The following PTPRM variants were observed in gnomAD, a reference collection of about 807,000 sequenced individuals.
PTPRM encodes the protein receptor-type tyrosine-protein phosphatase mu.
A neutral mutation model predicts 186.7 loss-of-function variants in PTPRM; 47 were observed. The ratio of observed to expected loss-of-function variants is 0.25; its 90% confidence interval spans 0.20 to 0.32. The LOEUF (loss-of-function observed/expected upper bound fraction) is 0.32, where lower values mean the gene tolerates loss of function less well. Ranked by LOEUF, PTPRM falls within the 10% of genes least tolerant of loss-of-function variation. PTPRM has a pLI of 1.00. For synonymous variants in PTPRM, 668 were observed against 674.9 expected, an observed-to-expected ratio of 0.99 and a Z score of 0.16; for missense variants, 1,494 against 1,865.0, an observed-to-expected ratio of 0.80 and a Z score of 3.66.
At chr18:8,162,274 C>T (rs1162677854) in intron 14 of PTPRM, among the ~76,000 whole-genome samples, 1 of 151,948 alleles carries the variant, frequency 6.6e-6, no homozygotes, top group Admixed American at 6.6e-5. Context: ...TAATTTTTTA[C>T]ATTTTTAGTA....
intron 1 of PTPRM, among the ~76,000 whole-genome samples, chr18:7,641,341 A>G (rs1476690007): frequency 6.6e-6 from 1 of 152,228 alleles, no homozygotes; most frequent in Non-Finnish European, 1.5e-5. Context: ...ATTCTTAGAA[A>G]TGTGATCAGA....
chr18:8,204,439 A>C (rs931207793), intron 14 of PTPRM, among the ~76,000 whole-genome samples: 3 of 152,132 alleles, frequency 2.0e-5, no homozygotes, highest in Non-Finnish European at 4.4e-5. Context: ...TGAAATATAA[A>C]TAGAAGGAAG....
intron 14 of PTPRM, among the ~76,000 whole-genome samples, chr18:8,240,830 G>GAAAGAAAGA: frequency 1.0e-5 from 1 of 99,046 alleles, no homozygotes; most frequent in South Asian, 2.8e-4. Flanking sequence ...GAGAGAGAAA[G>GAAAGAAAGA]AAAGAAAGAA....
chr18:7,688,219 A>G (rs1304818117), intron 1 of PTPRM, among the ~76,000 whole-genome samples: 4 of 152,122 alleles, frequency 2.6e-5, no homozygotes, highest in African/African-American at 7.2e-5. Flanking sequence ...AAAGACTTAC[A>G]TTGGGCTTTT....
intron 2 of PTPRM, among the ~76,000 whole-genome samples, chr18:7,785,833 G>A (rs536709393): frequency 1.3e-5 from 2 of 152,276 alleles, no homozygotes; most frequent in African/African-American, 4.8e-5. Context: ...GTAATTTTAG[G>A]ACTTTCTTAA....
chr18:7,568,002 GGGGGGCGCGGCGGGCC>G lies in PTPRM; in HGVS notation c.73+114_73+129del, dbSNP rs907205485. 30 of 1,064,434 alleles carry G rather than the reference GGGGGGCGCGGCGGGCC, an allele frequency of 2.8e-5. No homozygotes were observed. In the African/African-American group the frequency reaches 4.9e-4, roughly 17 times the overall value. 65.9% of individuals were successfully genotyped at this position (1,064,434 alleles called of 1,614,324 possible). ...CCTAAGGCTGGCGTCGGGGCCGGGC[GGGGGGCGCGGCGGGCC>G]GGACACCGCTTCTGCCTGTGAGCCG... On this transcript the variant is annotated intron_variant, in intron 1 of 32. Transcript: ENST00000580170. This position sits in a 1 kb window ranked among gnomAD's most constrained non-coding sequence, Gnocchi z 5.1.
At chr18:8,336,172 G>A (rs890291696) in intron 22 of PTPRM, among the ~76,000 whole-genome samples, 1 of 152,150 alleles carries the variant, frequency 6.6e-6, no homozygotes, top group Non-Finnish European at 1.5e-5. Flanking sequence ...GTGAGTTTCT[G>A]GAGCCAGAAT....
intron 5 of PTPRM, among the ~76,000 whole-genome samples, chr18:7,930,189 C>T (rs962526445): frequency 1.3e-5 from 2 of 152,070 alleles, no homozygotes; most frequent in Non-Finnish European, 2.9e-5. Flanking sequence ...CCACCTCAGC[C>T]TCCTGGGTAG....
chr18:8,320,853 G>A (rs2148076279), intron 22 of PTPRM, among the ~76,000 whole-genome samples: 1 of 152,294 alleles, frequency 6.6e-6, no homozygotes, highest in South Asian at 2.1e-4. Flanking sequence ...CACTTTGCTA[G>A]CTAGATGCAA....
rs776571679 is a variant in PTPRM at position 7,774,215 on chromosome 18, A to G, written c.140A>G (p.Asn47Ser). 27 of 1,613,748 alleles carry G rather than the reference A, an allele frequency of 1.7e-5. No homozygotes were observed. The highest frequency in any genetic ancestry group is 3.3e-4 in the Middle Eastern group (2 of 6,084). ...GYSQSEGDDF[N>S]WEQVNTLTKP... Reference sequence around the variant, plus strand: ...AGTCAATCTGAAGGTGATGACTTCAATTGGGAGCAAGTGAACACCTTGACT... The same window carrying G: ...AGTCAATCTGAAGGTGATGACTTCAGTTGGGAGCAAGTGAACACCTTGACT... Residue 47 changes from asparagine to serine, a missense_variant, in exon 2 of 33, where the codon AAT becomes AGT. Physicochemically the swap from Asn to Ser is conservative, Grantham distance 46. Coordinates refer to ENST00000580170, the MANE Select transcript of PTPRM (RefSeq NM_001105244.2).
chr18:8,345,867 T>G (rs186280102), intron 23 of PTPRM, among the ~76,000 whole-genome samples: 5 of 152,142 alleles, frequency 3.3e-5, no homozygotes, highest in Admixed American at 3.3e-4. Flanking sequence ...GCAGGCCAGA[T>G]GTAAGACACC....
At chr18:8,029,166 C>T (rs1321672732) in intron 7 of PTPRM, among the ~76,000 whole-genome samples, 3 of 152,134 alleles carry the variant, frequency 2.0e-5, no homozygotes, top group Non-Finnish European at 4.4e-5. Context: ...CTGGAGTTCC[C>T]TCCCTCATAC....
intron 1 of PTPRM, among the ~76,000 whole-genome samples, chr18:7,617,830 T>C (rs1351072342): frequency 6.6e-6 from 1 of 152,204 alleles, no homozygotes; most frequent in East Asian, 1.9e-4. Flanking sequence ...GCCGCATTGT[T>C]GAATACATTG....
intron 1 of PTPRM, among the ~76,000 whole-genome samples, chr18:7,572,563 G>A (rs1204127634): frequency 2.0e-5 from 3 of 152,088 alleles, no homozygotes; most frequent in Admixed American, 1.3e-4. Context: ...ATTTCATTAA[G>A]TTTCTAGAAT....
At chr18:7,947,033 C>T in intron 5 of PTPRM, 2 of 455,966 alleles carry the variant, frequency 4.4e-6, no homozygotes, top group Non-Finnish European at 8.8e-6. Context: ...TCTAGGGTGG[C>T]CTGGGACTGG....
chr18:8,202,221 A>G (rs2093867931), intron 14 of PTPRM, among the ~76,000 whole-genome samples: 1 of 152,216 alleles, frequency 6.6e-6, no homozygotes, highest in South Asian at 2.1e-4. Flanking sequence ...TTTTGAGGGA[A>G]GGGAATGGAA....
chr18:7,865,253 A>G (rs796269207), intron 2 of PTPRM, among the ~76,000 whole-genome samples: 2 of 152,284 alleles, frequency 1.3e-5, no homozygotes, highest in African/African-American at 4.8e-5. Context: ...GAGTGGTGAG[A>G]GAGGGCATCT....
chr18:8,193,279 CT>C (rs1470868389), intron 14 of PTPRM, among the ~76,000 whole-genome samples: 1 of 152,110 alleles, frequency 6.6e-6, no homozygotes, highest in Non-Finnish European at 1.5e-5. Context: ...GCTCCTTTGC[CT>C]TTACTGTGGA....
intron 20 of PTPRM, among the ~76,000 whole-genome samples, chr18:8,302,103 G>A (rs2095164665): frequency 1.3e-5 from 2 of 152,216 alleles, no homozygotes; most frequent in Admixed American, 6.5e-5. Flanking sequence ...TCGTGGGGGA[G>A]AAGGGGGTGA....
Sources: gnomAD v4.1 joint callset for allele counts (sites outside exome capture counted in the v4.1 genomes callset) on GRCh38, gnomAD v4.1.1 for gene constraint, Gnocchi (gnomAD v3.1) non-coding constraint, MANE v1.5 for transcripts, NCBI Gene and HGNC (gene_info 2026-07-23, HGNC 2026-07-21) for gene names.